GINM1: variants seen among roughly 807,000 people sequenced by gnomAD.
GINM1 encodes the protein glycosylated integral membrane protein 1.
Under a neutral mutation model 37.8 loss-of-function variants are expected in GINM1, and 29 were observed. That is an observed-to-expected ratio of 0.77 (90% CI 0.57 to 1.05). The LOEUF (loss-of-function observed/expected upper bound fraction) is 1.05. Among genes scored for constraint, GINM1 ranks in the 50% least tolerant of loss-of-function variants. The pLI is 0.00. For missense variants in GINM1, 377 were observed against 397.9 expected (o/e 0.95, Z 0.45); for synonymous variants, 143 against 146.2 (o/e 0.98, Z 0.16).
chr6:149,567,138 G>C (rs1777733949), intron 1 of GINM1, among the ~76,000 whole-genome samples: 1 of 152,120 alleles, frequency 6.6e-6, no homozygotes, highest in Non-Finnish European at 1.5e-5. Flanking sequence ...GACTCAGCCC[G>C]GCCTCTGGGG....
At chr6:149,578,525 C>CAAAAAAAAAAAAA (rs145601764) in intron 3 of GINM1, among the ~76,000 whole-genome samples, 1 of 71,420 alleles carries the variant, frequency 1.4e-5, no homozygotes, top group Admixed American at 1.5e-4. Flanking sequence ...GACTCCATCT[C>CAAAAAAAAAAAAA]AAAAAAAAAA....
chr6:149,582,726 A>G (rs1778020755), intron 7 of GINM1, 123 bp downstream of exon 7: 2 of 642,936 alleles, frequency 3.1e-6, no homozygotes, highest in East Asian at 6.2e-5. Flanking sequence ...GAGGGAAAAT[A>G]ACACCTACTG....
intron 1 of GINM1, among the ~76,000 whole-genome samples, chr6:149,571,804 C>T (rs902948884): frequency 1.3e-5 from 2 of 151,920 alleles, no homozygotes; most frequent in Non-Finnish European, 1.5e-5. Flanking sequence ...AAAATTAGAC[C>T]GGGCGCGGTG....
chr6:149,578,807 CT>C lies in GINM1; in HGVS notation c.278-5del, dbSNP rs374493485. 12,835 of 1,194,420 alleles carry C rather than the reference CT, an allele frequency of 0.011. 3 individuals carry two copies. Among genetic ancestry groups the C allele is most frequent in the South Asian group, 0.017 (1,045 of 62,380 alleles). The allele number at this position is 1,194,420 out of a possible 1,614,324, so 74.0% of individuals were successfully genotyped here. On this transcript the variant is annotated splice_polypyrimidine_tract_variant and intron_variant, in intron 3 of 7. Transcript: ENST00000367419. ...TAATCTTTGTTCAAAGGTGTCACTA[CT>C]TTTTTTTTTATAGTGAAGAATGAAA...
intron 3 of GINM1, among the ~76,000 whole-genome samples, chr6:149,578,565 C>G (rs930235868): frequency 3.3e-5 from 5 of 150,156 alleles, no homozygotes; most frequent in Non-Finnish European, 7.4e-5. Context: ...AAAGATGTTG[C>G]TAGTGTGGTA....
Position 149,578,807 on chromosome 6 carries a change from CTTTT to C in GINM1, c.278-8_278-5del, listed in dbSNP as rs374493485. The C allele has an allele frequency of 1.6e-6, 2 of 1,263,432 alleles. No individual in the cohort carries two copies. The highest frequency in any genetic ancestry group is 1.5e-5 in the African/African-American group (1 of 65,430). 78.3% of individuals were successfully genotyped at this position (1,263,432 alleles called of 1,614,324 possible). ...TAATCTTTGTTCAAAGGTGTCACTA[CTTTT>C]TTTTTTATAGTGAAGAATGAAAATC... is the stretch of plus-strand genomic sequence containing the variant. On this transcript the variant is annotated splice_polypyrimidine_tract_variant and intron_variant, in intron 3 of 7. Coordinates refer to ENST00000367419, the MANE Select transcript of GINM1 (RefSeq NM_138785.5).
At chr6:149,571,777 A>G (rs762899930) in intron 1 of GINM1, among the ~76,000 whole-genome samples, 21 of 152,112 alleles carry the variant, frequency 1.4e-4, no homozygotes, top group Non-Finnish European at 2.6e-4. Context: ...AGTAAATAGA[A>G]AAAGTATATA....
Position 149,590,783 on chromosome 6 carries a change from A to G in GINM1, c.938A>G (p.Tyr313Cys), listed in dbSNP as rs1379795000. Residue 313 changes from tyrosine (Y) to cysteine (C), a missense_variant, in exon 8 of 8, where the codon TAT becomes TGT. Transcript: ENST00000367419. Reference protein sequence around the residue: ...DVIPVTAINLYPDGPEKRAEN... With the variant: ...DVIPVTAINLCPDGPEKRAEN... ...ATACCTGTGACAGCTATCAACTTAT[A>G]TCCAGATGGTCCAGAGAAAAGAGCT... 3 of 1,606,456 alleles carry G rather than the reference A, an allele frequency of 1.9e-6. No homozygotes were observed. The African/African-American group carries it at 4.0e-5, about 21-fold the overall frequency.
At chr6:149,573,462 C>T (rs1777860952) in intron 3 of GINM1, among the ~76,000 whole-genome samples, 1 of 152,166 alleles carries the variant, frequency 6.6e-6, no homozygotes, top group Admixed American at 6.5e-5. Flanking sequence ...TCAGAATGTA[C>T]AATAACACTA....
rs1326818506 is a variant in GINM1, at chr6:149,580,605, C to T, written c.599C>T (p.Ser200Leu). Residue 200 changes from serine (S) to leucine (L), a missense_variant, in exon 6 of 8, where the codon TCA becomes TTA. By Grantham distance (145) the Ser-to-Leu change is moderately radical. Coordinates refer to ENST00000367419, the MANE Select transcript of GINM1 (RefSeq NM_138785.5). The part of the protein sequence containing the change: ...PNLSKKESVS[S>L]LQTTSQYLIR... ...TTCTCCTGGGTAGAAAGTGTTAGTT[C>T]ACTGCAAACCACTAGCCAGTATCTT... The T allele has an allele frequency of 6.2e-7, 1 of 1,611,636 alleles. No homozygotes were observed. Among genetic ancestry groups the T allele is most frequent in the East Asian group, 2.2e-5 (1 of 44,820 alleles).
chr6:149,571,241 G>A lies in GINM1; in HGVS notation c.121-1044G>A, dbSNP rs550454935. The stretch of plus-strand genomic sequence containing the variant: ...GAGGCAGGAGAATCACTTGAACCCG[G>A]GAGGCGGAGATTGCAGTGAGCCAAG... On this transcript the variant is annotated intron_variant, in intron 1 of 7. Transcript: ENST00000367419. 2.6e-5 allele frequency among the ~76,000 whole-genome samples: 4 copies of A among 151,870 alleles called. No individual in the cohort carries two copies. In the South Asian group the frequency reaches 6.3e-4, roughly 24 times the overall value.
intron 6 of GINM1, 46 bp from the exon 7 acceptor site, chr6:149,582,394 T>C (rs768813183): frequency 1.3e-6 from 2 of 1,505,014 alleles, no homozygotes; most frequent in Admixed American, 2.1e-5. Flanking sequence ...AGTTTATTCT[T>C]AGAGATTGAT....
chr6:149,582,611 T>C lies in GINM1; in HGVS notation c.881+8T>C. On this transcript the variant is annotated splice_region_variant and intron_variant, in intron 7 of 7. Transcript: ENST00000367419. The stretch of plus-strand genomic sequence containing the variant: ...CCCAGTTTCTGAATACAAGTAAGTA[T>C]TTCTTATTTTTGAAATGTTAGTATT... 5 of 1,528,404 alleles carry C rather than the reference T, an allele frequency of 3.3e-6. No individual in the cohort carries two copies. Among genetic ancestry groups the C allele is most frequent in the Non-Finnish European group, 3.5e-6 (4 of 1,132,666 alleles). 94.7% of individuals were successfully genotyped at this position (1,528,404 alleles called of 1,614,324 possible).
At chr6:149,587,881 G>A (rs1005465782) in intron 7 of GINM1, among the ~76,000 whole-genome samples, 2 of 152,102 alleles carry the variant, frequency 1.3e-5, no homozygotes, top group African/African-American at 4.8e-5. Context: ...GGCTATCCAG[G>A]ATCCCCCAGC....
chr6:149,590,873 T>G lies in GINM1; in HGVS notation c.*35T>G. The G allele has an allele frequency of 1.0e-6, 1 of 977,340 alleles. No individual in the cohort carries two copies. The highest frequency in any genetic ancestry group is 1.6e-6 in the Non-Finnish European group (1 of 620,662). The allele number at this position is 977,340 out of a possible 1,614,324, so 60.5% of individuals were successfully genotyped here. ...TCATATCATGGACTCCGAAGTAGCC[T>G]GTTGCCTCCAAATTTGCCACTTGAA... On this transcript the variant is annotated 3_prime_UTR_variant, in exon 8 of 8. Coordinates refer to ENST00000367419, the MANE Select transcript of GINM1 (RefSeq NM_138785.5).
intron 6 of GINM1, among the ~76,000 whole-genome samples, chr6:149,581,696 A>G (rs1348344984): frequency 1.3e-5 from 2 of 152,204 alleles, no homozygotes; most frequent in Non-Finnish European, 2.9e-5. Flanking sequence ...GAATATATTC[A>G]TGGGTTCAGA....
At chr6:149,572,927 A>G (rs986679433) in intron 3 of GINM1, among the ~76,000 whole-genome samples, 14 of 152,122 alleles carry the variant, frequency 9.2e-5, no homozygotes, top group African/African-American at 3.4e-4. Flanking sequence ...CTGCCTCTCA[A>G]AGTGCTGGGA....
At chr6:149,568,064 C>T (rs1777749838) in intron 1 of GINM1, among the ~76,000 whole-genome samples, 1 of 152,188 alleles carries the variant, frequency 6.6e-6, no homozygotes, top group Admixed American at 6.5e-5. Context: ...TTCAGTTCTC[C>T]CTTCTTGGGC....
At position 149,575,278 on chromosome 6, in the gene GINM1, A is replaced by G. The variant is rs147921894; in HGVS notation, c.277+2675A>G. ...AAGAATTCCCTTTGGTATTTCTTTC[A>G]GTACAGGTTTGTTAGCAGTGAATGG... On this transcript the variant is annotated intron_variant, in intron 3 of 7. Transcript: ENST00000367419. Among the ~76,000 whole-genome samples the G allele has an allele frequency of 3.7e-4, 56 of 152,324 alleles. 1 individual carries two copies. In the East Asian group the frequency reaches 9.6e-3, roughly 26 times the overall value.
Sources: allele counts gnomAD v4.1 joint callset (sites outside exome capture counted in the v4.1 genomes callset), GRCh38; gene constraint gnomAD v4.1.1; transcripts MANE v1.5; gene names NCBI Gene and HGNC (gene_info 2026-07-23, HGNC 2026-07-21).